FREM1: variants seen among roughly 807,000 people sequenced by gnomAD.
The protein encoded by FREM1 is FRAS1-related extracellular matrix protein 1.
In FREM1, 220 loss-of-function variants were observed where a neutral mutation model predicts 210.1. The observed-to-expected ratio is 1.05, with a 90% CI of 0.94 to 1.17. The LOEUF is 1.17. Ranked by LOEUF, FREM1 falls within the 50% of genes most tolerant of loss-of-function variation. The pLI is 0.00. For missense variants in FREM1, 3,454 were observed against 2,675.5 expected (o/e 1.29, Z -6.42); for synonymous variants, 1,189 against 980.2 (o/e 1.21, Z -3.98).
intron 33 of FREM1, 76 bp downstream of exon 33, chr9:14,747,188 T>G (rs757721445): frequency 1.0e-5 from 16 of 1,579,110 alleles, no homozygotes; most frequent in Non-Finnish European, 1.4e-5. Context: ...GGAGGCTATT[T>G]TGTGAATTAA....
chr9:14,856,286 C>T (rs1889053), intron 5 of FREM1, among the ~76,000 whole-genome samples: 75,952 of 152,006 alleles, frequency 0.5, 21,058 homozygotes, highest in African/African-American at 0.73. Context: ...CTGGGCCCAG[C>T]GTCCATGCTC....
chr9:14,819,145 G>T, intron 14 of FREM1, 89 bp downstream of exon 14: 2 of 892,734 alleles, frequency 2.2e-6, no homozygotes, highest in Non-Finnish European at 3.3e-6. Context: ...TTAAGAAATT[G>T]GACAAACTTC....
Position 14,805,044 on chromosome 9 carries a change from C to G in FREM1, c.3383G>C (p.Gly1128Ala). Residue 1128 changes from glycine (G) to alanine (A), a missense_variant, in exon 19 of 37, where the codon GGG becomes GCG. Gly to Ala is a moderately conservative substitution (Grantham distance 60, BLOSUM62 0). Transcript: ENST00000380880. ...TGGTATCTCCAAGGAGTGATGCTTC[C>G]CATCTGTGACGTACACCGTGAACTG... ...ADQFTVYVTD[G>A]KHHSLEIPFS... 1.2e-6 allele frequency: 2 copies of G among 1,613,334 alleles called. No individual in the cohort carries two copies. The highest frequency in any genetic ancestry group is 1.7e-6 in the Non-Finnish European group (2 of 1,179,334).
chr9:14,824,076 T>C lies in FREM1; in HGVS notation c.2118A>G (p.Ile706Met). Residue 706 changes from isoleucine to methionine, a missense_variant, in exon 12 of 37, where the codon ATA becomes ATG. Transcript: ENST00000380880. ...DAGKLFMVDS[I>M]PKVVKNPTAL... ...CCGTAGGATTCTTAACTACTTTTGG[T>C]ATGCTGTCCACCATAAATAATTTCC... 2 of 1,591,292 alleles carry C rather than the reference T, an allele frequency of 1.3e-6. No homozygotes were observed. The highest frequency in any genetic ancestry group is 1.7e-6 in the Non-Finnish European group (2 of 1,167,562).
At chr9:14,779,593 C>T (rs1849312177) in intron 24 of FREM1, 3 of 519,624 alleles carry the variant, frequency 5.8e-6, no homozygotes, top group Non-Finnish European at 7.4e-6. Context: ...CACATCTACT[C>T]GATGCGTGCA....
At chr9:14,860,664 CAT>C (rs1252784534) in intron 3 of FREM1, among the ~76,000 whole-genome samples, 2 of 128,470 alleles carry the variant, frequency 1.6e-5, no homozygotes, top group African/African-American at 6.4e-5. Context: ...CACATATATA[CAT>C]ATATACACAC....
At chr9:14,856,419 C>T (rs12552887) in intron 5 of FREM1, among the ~76,000 whole-genome samples, 9,810 of 152,232 alleles carry the variant, frequency 0.064, 393 homozygotes, top group East Asian at 0.13. Context: ...TTTGTTTTAT[C>T]ATTTCTTTAT....
rs121912610 is a variant in FREM1 at position 14,784,494 on chromosome 9, C to T, written c.4318G>A (p.Gly1440Ser). The change falls in exon 24 of 37, where the codon GGC becomes AGC. Residue 1440 changes from glycine (G) to serine (S), a missense_variant. Physicochemically the swap from Gly to Ser is moderately conservative, Grantham distance 56. Transcript: ENST00000380880. ...GGATAGTGAACATATTCGATCTGGC[C>T]ATATCGCGGAGGGGAGGTGATGACA... ...LYVITSPPRY[G>S]QIEYVHYPGV... The T allele has an allele frequency of 1.1e-5, 17 of 1,613,676 alleles. No homozygotes were observed. The South Asian group carries it at 1.6e-4, about 16-fold the overall frequency.
At chr9:14,778,745 GAAGGAAAGGA>G (rs746442707) in intron 24 of FREM1, among the ~76,000 whole-genome samples, 22 of 138,600 alleles carry the variant, frequency 1.6e-4, no homozygotes, top group Non-Finnish European at 3.3e-4. Flanking sequence ...GAAGGGAAGG[GAAGGAAAGGA>G]AAGGAAGTCA....
chr9:14,868,827 T>C lies in FREM1; in HGVS notation c.151A>G (p.Ile51Val), dbSNP rs770025733. Reference sequence around the variant, plus strand: ...TTGCAGGCATCTTTCTCTTTAGGGATGGCAAACTTCAGGTCATCTCCTGAC... The same window carrying C: ...TTGCAGGCATCTTTCTCTTTAGGGACGGCAAACTTCAGGTCATCTCCTGAC... ...FLSGDDLKFAIPKEKDACKVE... is the reference protein window; with the variant it reads ...FLSGDDLKFAVPKEKDACKVE... Residue 51 changes from isoleucine (I) to valine (V), a missense_variant, in exon 2 of 37, where the codon ATC becomes GTC. Physicochemically the swap from Ile to Val is conservative, Grantham distance 29. Transcript: ENST00000380880. The C allele has an allele frequency of 6.2e-7, 1 of 1,612,716 alleles. No homozygotes were observed. Among genetic ancestry groups the C allele is most frequent in the South Asian group, 1.1e-5 (1 of 90,700 alleles).
intron 10 of FREM1, among the ~76,000 whole-genome samples, chr9:14,829,861 T>C (rs1336319367): frequency 1.3e-5 from 2 of 152,014 alleles, no homozygotes; most frequent in East Asian, 3.9e-4. Flanking sequence ...GAGATCTTAA[T>C]CCAGGAGAGA....
intron 13 of FREM1, among the ~76,000 whole-genome samples, chr9:14,819,998 T>A (rs1192480075): frequency 6.6e-6 from 1 of 152,222 alleles, no homozygotes; most frequent in Non-Finnish European, 1.5e-5. Flanking sequence ...AATAGATTTA[T>A]TCAAACATTA....
intron 16 of FREM1, among the ~76,000 whole-genome samples, chr9:14,808,362 C>A (rs552572104): frequency 6.6e-6 from 1 of 152,322 alleles, no homozygotes; most frequent in African/African-American, 2.4e-5. Flanking sequence ...TACTAGCCAT[C>A]TATCATGATA....
chr9:14,740,138 C>T lies in FREM1; in HGVS notation c.6340+11G>A, dbSNP rs1447286382. The T allele has an allele frequency of 4.4e-6, 7 of 1,598,316 alleles. No individual in the cohort carries two copies. Among genetic ancestry groups the T allele is most frequent in the East Asian group, 2.2e-5 (1 of 44,702 alleles). ...TCCCTCCTCAGTGCAGCCTCCCTCCCAGATACTTGCCTATCCAAAAGGACT... is the reference window on the plus strand; with the variant it reads ...TCCCTCCTCAGTGCAGCCTCCCTCCTAGATACTTGCCTATCCAAAAGGACT... On this transcript the variant is annotated intron_variant, in intron 36 of 36. Transcript: ENST00000380880.
In FREM1 at chr9:14,808,129, C is replaced by G; in HGVS notation, c.2899G>C (p.Glu967Gln). 1 of 1,588,338 alleles carries G rather than the reference C, an allele frequency of 6.3e-7. No individual in the cohort carries two copies. Among genetic ancestry groups the G allele is most frequent in the Non-Finnish European group, 8.6e-7 (1 of 1,166,174 alleles). Residue 967 changes from glutamate (E) to glutamine (Q), a missense_variant, in exon 17 of 37, where the codon GAG (glutamate) becomes CAG (glutamine). By Grantham distance (29) the Glu-to-Gln change is conservative. Transcript: ENST00000380880. Reference protein sequence around the residue: ...EAVTYKHTGGEIGLMPCFDTI... With the variant: ...EAVTYKHTGGQIGLMPCFDTI... ...TCAAAACAAGGCATCAGGCCAATCT[C>G]GCCACCTGGAAGACACAACTATAGC...
At chr9:14,805,692 G>C (rs1004746309) in intron 18 of FREM1, among the ~76,000 whole-genome samples, 11 of 152,212 alleles carry the variant, frequency 7.2e-5, no homozygotes, top group African/African-American at 2.4e-4. Context: ...TAAGTCACCA[G>C]AAAAGCTGAG....
At chr9:14,909,494 TATCTC>T (rs1305703541) in intron 1 of FREM1, among the ~76,000 whole-genome samples, 1 of 152,230 alleles carries the variant, frequency 6.6e-6, no homozygotes, top group East Asian at 1.9e-4. Flanking sequence ...ATCCAGACAT[TATCTC>T]ATCCAAATTT....
At chr9:14,907,454 G>T (rs1488563006) in intron 1 of FREM1, among the ~76,000 whole-genome samples, 2 of 152,152 alleles carry the variant, frequency 1.3e-5, no homozygotes, top group African/African-American at 2.4e-5. Flanking sequence ...TGAATGAAAG[G>T]GTCAGGTTGC....
chr9:14,814,625 T>A (rs1819977186), intron 15 of FREM1, among the ~76,000 whole-genome samples: 1 of 152,220 alleles, frequency 6.6e-6, no homozygotes, highest in Non-Finnish European at 1.5e-5. Flanking sequence ...TCAAGTCCCC[T>A]GAGTGAATTC....
Sources: allele counts gnomAD v4.1 joint callset (sites outside exome capture counted in the v4.1 genomes callset), GRCh38; gene constraint gnomAD v4.1.1; transcripts MANE v1.5; gene names NCBI Gene and HGNC (gene_info 2026-07-23, HGNC 2026-07-21).